Variants in LRP1B observed in about 807,000 individuals in gnomAD.
LRP1B encodes the protein low-density lipoprotein receptor-related protein 1B.
Under a neutral mutation model 556.6 loss-of-function variants are expected in LRP1B, and 217 were observed. That is an observed-to-expected ratio of 0.39 (90% CI 0.35 to 0.44). The LOEUF is 0.44. Ranked by LOEUF, LRP1B falls within the 20% of genes least tolerant of loss-of-function variation. LRP1B has a pLI of 1.00. For missense variants in LRP1B, 5,053 were observed against 5,620.8 expected, an observed-to-expected ratio of 0.90 and a Z score of 3.23; for synonymous variants, 2,047 against 1,865.8, an observed-to-expected ratio of 1.10 and a Z score of -2.50.
chr2:141,304,362 C>T (rs145757260), intron 3 of LRP1B, among the ~76,000 whole-genome samples: 13 of 151,750 alleles, frequency 8.6e-5, no homozygotes, highest in East Asian at 7.7e-4. Context: ...GAAGTCTTAC[C>T]GTTAAATTTT....
At chr2:140,407,251 T>A (rs944746061) in intron 66 of LRP1B, among the ~76,000 whole-genome samples, 1 of 151,976 alleles carries the variant, frequency 6.6e-6, no homozygotes, top group Non-Finnish European at 1.5e-5. Flanking sequence ...GAAGACAACA[T>A]TGAAAAAACT....
intron 2 of LRP1B, among the ~76,000 whole-genome samples, chr2:141,511,450 T>C (rs1159105500): frequency 6.6e-6 from 1 of 152,206 alleles, no homozygotes; most frequent in Non-Finnish European, 1.5e-5. Flanking sequence ...TCCACTTCAA[T>C]ATTTTAGGGA....
At chr2:141,336,630 A>T (rs1321826387) in intron 3 of LRP1B, among the ~76,000 whole-genome samples, 1 of 152,186 alleles carries the variant, frequency 6.6e-6, no homozygotes, top group Non-Finnish European at 1.5e-5. Context: ...ACACGTATAG[A>T]TTGATGTAAC....
At chr2:141,343,165 C>T (rs1053640633) in intron 3 of LRP1B, among the ~76,000 whole-genome samples, 4 of 152,160 alleles carry the variant, frequency 2.6e-5, no homozygotes, top group Non-Finnish European at 4.4e-5. Context: ...ATCTTCTATT[C>T]CAAATGTATA....
chr2:141,457,627 T>G (rs1345122193), intron 3 of LRP1B, among the ~76,000 whole-genome samples: 5 of 128,452 alleles, frequency 3.9e-5, no homozygotes, highest in Non-Finnish European at 8.3e-5. Context: ...GAGTTCAGAT[T>G]TGGTTCATGA....
intron 18 of LRP1B, among the ~76,000 whole-genome samples, chr2:140,969,313 G>A (rs545345989): frequency 1.2e-3 from 188 of 152,132 alleles, no homozygotes; most frequent in African/African-American, 4.4e-3. Context: ...ATCTTTGTTG[G>A]TTTAAAGTCT....
chr2:140,445,623 A>G (rs1173977889), intron 63 of LRP1B, among the ~76,000 whole-genome samples: 2 of 152,130 alleles, frequency 1.3e-5, no homozygotes, highest in Non-Finnish European at 1.5e-5. Flanking sequence ...TCTGGGAATA[A>G]TAATAATAAG....
intron 43 of LRP1B, among the ~76,000 whole-genome samples, chr2:140,587,471 C>T (rs1682032383): frequency 6.6e-6 from 1 of 152,048 alleles, no homozygotes; most frequent in Admixed American, 6.6e-5. Context: ...TGAAATGAGC[C>T]AGACACAGAA....
At chr2:140,954,134 T>C (rs1403054514) in intron 18 of LRP1B, among the ~76,000 whole-genome samples, 1 of 152,234 alleles carries the variant, frequency 6.6e-6, no homozygotes, top group Non-Finnish European at 1.5e-5. Flanking sequence ...CACTCCTTCG[T>C]AAGTTTCTTC....
chr2:140,918,067 T>G (rs1694630529), intron 21 of LRP1B, among the ~76,000 whole-genome samples: 1 of 152,128 alleles, frequency 6.6e-6, no homozygotes, highest in Non-Finnish European at 1.5e-5. Context: ...ATTACCCATT[T>G]TATTCAGTTC....
intron 2 of LRP1B, among the ~76,000 whole-genome samples, chr2:141,607,873 T>A (rs1687973335): frequency 6.6e-6 from 1 of 152,100 alleles, no homozygotes; most frequent in African/African-American, 2.4e-5. Context: ...CAGAGAACTG[T>A]AATCATGCCA....
At chr2:141,339,231 T>C (rs3109350) in intron 3 of LRP1B, among the ~76,000 whole-genome samples, 89,048 of 150,884 alleles carry the variant, frequency 0.59, 27,176 homozygotes, top group African/African-American at 0.68. Context: ...CCTAATTAGA[T>C]TATAAGTGAT....
chr2:141,458,581 C>T (rs1165735793), intron 3 of LRP1B, among the ~76,000 whole-genome samples: 1 of 152,092 alleles, frequency 6.6e-6, no homozygotes, highest in Non-Finnish European at 1.5e-5. Context: ...TAGGCTGACT[C>T]AGTGCTGTTT....
chr2:140,769,203 A>T lies in LRP1B; in HGVS notation c.5758+10T>A. ...TATTATGCATAAATTATGACTAAAA[A>T]GCTATTTACCTGCATGGAAATCTAT... On this transcript the variant is annotated intron_variant, in intron 35 of 90. Transcript: ENST00000389484. The T allele has an allele frequency of 6.2e-7, 1 of 1,609,990 alleles. No individual in the cohort carries two copies. The highest frequency in any genetic ancestry group is 8.5e-7 in the Non-Finnish European group (1 of 1,177,284).
chr2:141,520,854 T>C (rs985032901), intron 2 of LRP1B, among the ~76,000 whole-genome samples: 4 of 152,148 alleles, frequency 2.6e-5, no homozygotes, highest in East Asian at 1.9e-4. Flanking sequence ...GCTGCTTTTA[T>C]AAGAAAAAAG....
At chr2:141,750,455 A>G (rs1346525374) in intron 2 of LRP1B, among the ~76,000 whole-genome samples, 1 of 152,152 alleles carries the variant, frequency 6.6e-6, no homozygotes, top group African/African-American at 2.4e-5. Context: ...ACCAAAAGGA[A>G]AAGAAAAGAA....
At chr2:140,490,785 T>G (rs1688664732) in intron 57 of LRP1B, among the ~76,000 whole-genome samples, 1 of 152,104 alleles carries the variant, frequency 6.6e-6, no homozygotes. Flanking sequence ...CATGGGTTCT[T>G]TGGGTCTCTA....
chr2:141,869,606 T>C (rs1048284589), intron 1 of LRP1B, among the ~76,000 whole-genome samples: 5 of 152,220 alleles, frequency 3.3e-5, no homozygotes, highest in African/African-American at 4.8e-5. Context: ...ATCAGTTCTA[T>C]GTTCCAATTC....
intron 66 of LRP1B, among the ~76,000 whole-genome samples, chr2:140,426,681 C>A (rs1283346922): frequency 6.6e-6 from 1 of 152,168 alleles, no homozygotes; most frequent in Non-Finnish European, 1.5e-5. Flanking sequence ...TAAAACAGCC[C>A]CACCCATATC....
Sources: gnomAD v4.1 joint callset for allele counts (sites outside exome capture counted in the v4.1 genomes callset) on GRCh38, gnomAD v4.1.1 for gene constraint, MANE v1.5 for transcripts, NCBI Gene and HGNC (gene_info 2026-07-23, HGNC 2026-07-21) for gene names.